The following RFX7 variants were observed in gnomAD, a reference collection of about 807,000 sequenced individuals.
The protein encoded by RFX7 is regulatory factor X7.
Under a neutral mutation model 111.8 loss-of-function variants are expected in RFX7, and 26 were observed. The ratio of observed to expected loss-of-function variants is 0.23; its 90% confidence interval spans 0.17 to 0.32. The LOEUF (loss-of-function observed/expected upper bound fraction) is 0.32, where lower values mean the gene tolerates loss of function less well. Ranked by LOEUF, RFX7 falls within the 10% of genes least tolerant of loss-of-function variation. The probability of loss-of-function intolerance (pLI) is 1.00; values close to 1 mark genes in which losing one functional copy is unlikely to be tolerated. For synonymous variants in RFX7, 624 were observed against 624.4 expected (o/e 1.00, Z 0.01); for missense variants, 1,573 against 1,772.9 (o/e 0.89, Z 2.02).
At chr15:56,109,017 CCTTCTCCCT>C (rs796155276) in intron 5 of RFX7, among the ~76,000 whole-genome samples, 252 of 131,936 alleles carry the variant, frequency 1.9e-3, no homozygotes, top group African/African-American at 5.7e-3. Flanking sequence ...GAACTACAAA[CCTTCTCCCT>C]CTCCCTCTCC....
chr15:56,232,013 G>A lies in RFX7; in HGVS notation c.161+11112C>T, dbSNP rs771679507. On this transcript the variant is annotated intron_variant, in intron 2 of 9. Transcript: ENST00000559447. The stretch of plus-strand genomic sequence containing the variant: ...GAGGTGGGTTCCCATGGTCTTGAGC[G>A]GCTCCGCCCCTGTGGCTTTGCAGGA... Among the ~76,000 whole-genome samples, 6 of 152,192 alleles carry A rather than the reference G, an allele frequency of 3.9e-5. No individual in the cohort carries two copies. In the South Asian group the frequency reaches 6.2e-4, roughly 16 times the overall value.
At chr15:56,139,620 A>G (rs1186286307) in intron 5 of RFX7, among the ~76,000 whole-genome samples, 1 of 152,188 alleles carries the variant, frequency 6.6e-6, no homozygotes, top group Non-Finnish European at 1.5e-5. Flanking sequence ...TCTGCTCCTC[A>G]AAGACATTCT....
intron 2 of RFX7, among the ~76,000 whole-genome samples, chr15:56,214,714 C>CAAAAA (rs527416979): frequency 1.6e-3 from 138 of 86,752 alleles, no homozygotes; most frequent in South Asian, 8.2e-3. Context: ...GACTCTGTCT[C>CAAAAA]AAAAAAAAAA....
chr15:56,115,144 G>C (rs1188201726), intron 5 of RFX7, among the ~76,000 whole-genome samples: 1 of 152,072 alleles, frequency 6.6e-6, no homozygotes, highest in Non-Finnish European at 1.5e-5. Context: ...CGAGTAGCTG[G>C]GATTATAAGC....
intron 2 of RFX7, among the ~76,000 whole-genome samples, chr15:56,205,381 T>C (rs756185098): frequency 6.6e-6 from 1 of 152,196 alleles, no homozygotes; most frequent in Non-Finnish European, 1.5e-5. Flanking sequence ...TGATTATGCT[T>C]TTTGCCCAAA....
chr15:56,157,543 G>A (rs1427473768), intron 3 of RFX7, among the ~76,000 whole-genome samples: 1 of 152,154 alleles, frequency 6.6e-6, no homozygotes, highest in Non-Finnish European at 1.5e-5. Flanking sequence ...ATATGAAAAC[G>A]TCTTTCTCTG....
At chr15:56,100,794 A>G (rs1292728210) in intron 8 of RFX7, among the ~76,000 whole-genome samples, 1 of 152,202 alleles carries the variant, frequency 6.6e-6, no homozygotes, top group Non-Finnish European at 1.5e-5. Context: ...AAAATTGTCG[A>G]TTCCAAAAAC....
At chr15:56,244,953 G>C (rs1410170748), upstream of RFX7, among the ~76,000 whole-genome samples, 2 of 152,146 alleles carry the variant, frequency 1.3e-5, no homozygotes, top group Non-Finnish European at 2.9e-5. Context: ...AACAGCCAAG[G>C]CCTCTGGCAC....
intron 3 of RFX7, among the ~76,000 whole-genome samples, chr15:56,152,766 G>C (rs1229514921): frequency 5.4e-5 from 8 of 149,048 alleles, no homozygotes; most frequent in Admixed American, 2.7e-4. Context: ...AATGAATCCA[G>C]GAGCTGGTTT....
chr15:56,189,226 A>T lies in RFX7; in HGVS notation c.162-9923T>A, dbSNP rs564847219. Among the ~76,000 whole-genome samples, 765 of 151,882 alleles carry T rather than the reference A, an allele frequency of 5.0e-3. 5 individuals are homozygous for T. The highest frequency in any genetic ancestry group is 9.1e-3 in the Admixed American group (138 of 15,240). Reference sequence around the variant, plus strand: ...ACACAGTGAGACTCTATTTCTACAAATTTTTTTTTAAAAAGCCAGGCGTGG... The same window carrying T: ...ACACAGTGAGACTCTATTTCTACAATTTTTTTTTTAAAAAGCCAGGCGTGG... On this transcript the variant is annotated intron_variant, in intron 2 of 9. Transcript: ENST00000559447.
At position 56,098,200 on chromosome 15, in the gene RFX7, C is replaced by G. The variant is rs2041707473; in HGVS notation, c.988G>C (p.Ala330Pro). 6.2e-7 allele frequency: 1 copy of G among 1,613,836 alleles called. No homozygotes were observed. Among genetic ancestry groups the G allele is most frequent in the Admixed American group, 1.7e-5 (1 of 60,004 alleles). The part of the protein sequence containing the change: ...LQSPLPGESA[A>P]KKSESATSNG... ...CTTGTAGCACTTTCTGACTTTTTTGCTGCAGATTCTCCTGGCAAAGGGGAT... is the reference window on the plus strand; with the variant it reads ...CTTGTAGCACTTTCTGACTTTTTTGGTGCAGATTCTCCTGGCAAAGGGGAT... The change falls in exon 9 of 10, where the codon GCA becomes CCA. Residue 330 changes from alanine (A) to proline (P), a missense_variant. By Grantham distance (27) the Ala-to-Pro change is conservative. Coordinates refer to ENST00000559447, the MANE Select transcript of RFX7 (RefSeq NM_022841.7).
At chr15:56,238,794 G>A (rs1033435990) in intron 2 of RFX7, among the ~76,000 whole-genome samples, 7 of 152,198 alleles carry the variant, frequency 4.6e-5, no homozygotes, top group East Asian at 1.9e-4. Context: ...TCTGAAATGC[G>A]TGGGATCATA....
chr15:56,187,981 C>G (rs186961947), intron 2 of RFX7, among the ~76,000 whole-genome samples: 27 of 152,210 alleles, frequency 1.8e-4, no homozygotes, highest in African/African-American at 6.5e-4. Flanking sequence ...CTCACAGACA[C>G]TAAATCCTGA....
At chr15:56,154,778 A>C (rs1315669118) in intron 3 of RFX7, among the ~76,000 whole-genome samples, 1 of 152,242 alleles carries the variant, frequency 6.6e-6, no homozygotes, top group Admixed American at 6.5e-5. Flanking sequence ...AGAATTGACA[A>C]GTGAGATATA....
At chr15:56,188,710 T>C (rs76338793) in intron 2 of RFX7, among the ~76,000 whole-genome samples, 2,574 of 152,266 alleles carry the variant, frequency 0.017, 83 homozygotes, top group African/African-American at 0.058. Flanking sequence ...TGTAAACAAA[T>C]GTACAAACCT....
rs1478447794 is a variant in RFX7 at position 56,089,959 on chromosome 15, G to A, written c.*3386C>T. 1 of 152,090 alleles carries A rather than the reference G, an allele frequency of 6.6e-6. No individual in the cohort carries two copies. The highest frequency in any genetic ancestry group is 1.5e-5 in the Non-Finnish European group (1 of 68,014). 9.4% of individuals were successfully genotyped at this position (152,090 alleles called of 1,614,324 possible). ...GATCTGTCTACAATATATAGTCCCT[G>A]GCACTGGTTGTTGTTGCTTCTCAGT... On this transcript the variant is annotated 3_prime_UTR_variant, in exon 10 of 10. Transcript: ENST00000559447.
chr15:56,098,412 C>T, intron 8 of RFX7, 36 bp from the exon 9 acceptor site: 2 of 1,539,558 alleles, frequency 1.3e-6, no homozygotes, highest in Non-Finnish European at 1.7e-6. Context: ...GCAATAAATA[C>T]TCTCCTTTAT....
chr15:56,141,581 A>G (rs947606917), intron 5 of RFX7, among the ~76,000 whole-genome samples: 14 of 146,798 alleles, frequency 9.5e-5, no homozygotes, highest in Non-Finnish European at 2.1e-4. Flanking sequence ...ACTGAATTCA[A>G]ATTTGCTTCT....
chr15:56,154,027 A>G lies in RFX7; in HGVS notation c.196-9544T>C, dbSNP rs147670242. On this transcript the variant is annotated intron_variant, in intron 3 of 9. Coordinates refer to ENST00000559447, the MANE Select transcript of RFX7 (RefSeq NM_022841.7). Reference sequence around the variant, plus strand: ...AGACCCAAATCATGAGTGAACTCCCATTCATAATCACTACTAAGAGAATAA... The same window carrying G: ...AGACCCAAATCATGAGTGAACTCCCGTTCATAATCACTACTAAGAGAATAA... Among the ~76,000 whole-genome samples, 721 of 152,330 alleles carry G rather than the reference A, an allele frequency of 4.7e-3. 4 individuals are homozygous for G. Among genetic ancestry groups the G allele is most frequent in the Middle Eastern group, 0.014 (4 of 294 alleles).
Sources: gnomAD v4.1 joint callset for allele counts (sites outside exome capture counted in the v4.1 genomes callset) on GRCh38, gnomAD v4.1.1 for gene constraint, MANE v1.5 for transcripts, NCBI Gene and HGNC (gene_info 2026-07-23, HGNC 2026-07-21) for gene names.